The following CDH12 variants were observed in gnomAD, a reference collection of about 807,000 sequenced individuals.
CDH12 encodes cadherin 12.
In CDH12, 41 loss-of-function variants were observed where a neutral mutation model predicts 74.1. The ratio of observed to expected loss-of-function variants is 0.55; its 90% CI spans 0.43 to 0.72. The LOEUF is 0.72. CDH12 is among the 30% of genes least tolerant of loss of function. The pLI, the probability that CDH12 is intolerant of heterozygous loss-of-function variation, is 0.00. For synonymous variants in CDH12, 399 were observed against 355.0 expected (o/e 1.12, Z -1.39); for missense variants, 945 against 977.2 (o/e 0.97, Z 0.44).
intron 6 of CDH12, chr5:21,882,871 G>C: frequency 1.3e-6 from 2 of 1,597,050 alleles, no homozygotes; most frequent in East Asian, 2.2e-5. Flanking sequence ...AAAAACATTG[G>C]AGCTAAACTT....
intron 1 of CDH12, among the ~76,000 whole-genome samples, chr5:22,603,485 A>T (rs536042218): frequency 7.4e-4 from 113 of 152,294 alleles, no homozygotes; most frequent in Non-Finnish European, 1.3e-3. Flanking sequence ...ACGTAGCTGA[A>T]GAAGAGAAGC....
At chr5:22,637,169 T>A (rs1738884773) in intron 1 of CDH12, among the ~76,000 whole-genome samples, 1 of 152,262 alleles carries the variant, frequency 6.6e-6, no homozygotes, top group Non-Finnish European at 1.5e-5. Flanking sequence ...ACATACAATT[T>A]CAGCTATATA....
At chr5:22,463,051 CA>C (rs1305968375) in intron 2 of CDH12, among the ~76,000 whole-genome samples, 1 of 151,992 alleles carries the variant, frequency 6.6e-6, no homozygotes. Context: ...TAATAAATTA[CA>C]AAAAAGTTAA....
chr5:22,104,696 T>C (rs1485229177), intron 4 of CDH12, among the ~76,000 whole-genome samples: 1 of 152,206 alleles, frequency 6.6e-6, no homozygotes, highest in Admixed American at 6.5e-5. Context: ...GAGCCCATAG[T>C]CCTTTATCCT....
At chr5:21,988,546 G>A (rs535192658) in intron 5 of CDH12, among the ~76,000 whole-genome samples, 70 of 133,376 alleles carry the variant, frequency 5.2e-4, no homozygotes, top group African/African-American at 2.0e-3. Context: ...TAGAAATAAG[G>A]AAAAATTGCT....
chr5:22,004,853 C>T (rs1255264517), intron 5 of CDH12, among the ~76,000 whole-genome samples: 1 of 152,070 alleles, frequency 6.6e-6, no homozygotes, highest in African/African-American at 2.4e-5. Flanking sequence ...CTCTTTATGT[C>T]CATGTGTACT....
At chr5:22,846,607 G>A (rs1737315896) in intron 1 of CDH12, among the ~76,000 whole-genome samples, 1 of 152,124 alleles carries the variant, frequency 6.6e-6, no homozygotes, top group South Asian at 2.1e-4. Flanking sequence ...TAGAATTGCT[G>A]GATTTTGAAT....
At chr5:22,606,273 T>C (rs1737110240) in intron 1 of CDH12, among the ~76,000 whole-genome samples, 1 of 152,192 alleles carries the variant, frequency 6.6e-6, no homozygotes. Flanking sequence ...CAACATGAGA[T>C]GTTCAGGAGC....
chr5:22,826,681 A>G (rs1016136173), intron 1 of CDH12, among the ~76,000 whole-genome samples: 2 of 152,168 alleles, frequency 1.3e-5, no homozygotes, highest in Admixed American at 1.3e-4. Context: ...GAGCAAAGGT[A>G]ACTTTTACTA....
At chr5:22,462,876 T>C (rs546014343) in intron 2 of CDH12, among the ~76,000 whole-genome samples, 127 of 152,298 alleles carry the variant, frequency 8.3e-4, no homozygotes, top group Non-Finnish European at 9.8e-4. Context: ...TTAATTTAGT[T>C]AATTAGACAA....
At chr5:21,785,864 A>G (rs1398003076) in intron 10 of CDH12, among the ~76,000 whole-genome samples, 3 of 152,216 alleles carry the variant, frequency 2.0e-5, no homozygotes, top group African/African-American at 7.2e-5. Context: ...AGGTGGCTAC[A>G]CTAAACAACA....
intron 1 of CDH12, among the ~76,000 whole-genome samples, chr5:22,570,905 T>C (rs1739511060): frequency 3.3e-5 from 5 of 152,216 alleles, no homozygotes; most frequent in Admixed American, 3.3e-4. Context: ...TTGCTGTATC[T>C]CCTGGAAAAT....
At chr5:22,395,594 T>A (rs1392701030) in intron 3 of CDH12, among the ~76,000 whole-genome samples, 1 of 152,086 alleles carries the variant, frequency 6.6e-6, no homozygotes, top group African/African-American at 2.4e-5. Context: ...TATACAAAAC[T>A]GGGAATTAAT....
chr5:22,478,574 C>T (rs1299871195), intron 2 of CDH12, among the ~76,000 whole-genome samples: 1 of 151,524 alleles, frequency 6.6e-6, no homozygotes, highest in Non-Finnish European at 1.5e-5. Context: ...ATTTAGCTAC[C>T]TCTGTCAACA....
At chr5:22,704,625 T>C (rs530369487) in intron 1 of CDH12, among the ~76,000 whole-genome samples, 2 of 152,232 alleles carry the variant, frequency 1.3e-5, no homozygotes, top group East Asian at 3.9e-4. Flanking sequence ...ATAATAATTA[T>C]AGAAAATCTA....
At chr5:22,097,904 A>G (rs1274449127) in intron 4 of CDH12, among the ~76,000 whole-genome samples, 1 of 152,164 alleles carries the variant, frequency 6.6e-6, no homozygotes, top group African/African-American at 2.4e-5. Context: ...TTTAAAGCCT[A>G]TAAACTCCCC....
chr5:22,727,470 T>C (rs1744218705), intron 1 of CDH12, among the ~76,000 whole-genome samples: 1 of 151,748 alleles, frequency 6.6e-6, no homozygotes, highest in Non-Finnish European at 1.5e-5. Context: ...AGTAATCATA[T>C]CCATACTTCA....
intron 1 of CDH12, among the ~76,000 whole-genome samples, chr5:22,594,519 CAT>C (rs1736502456): frequency 6.6e-6 from 1 of 152,124 alleles, no homozygotes; most frequent in Non-Finnish European, 1.5e-5. Context: ...AAGTAGGGAT[CAT>C]ATATTGCTTG....
At chr5:22,103,106 G>A (rs1744243549) in intron 4 of CDH12, among the ~76,000 whole-genome samples, 1 of 152,112 alleles carries the variant, frequency 6.6e-6, no homozygotes, top group Admixed American at 6.6e-5. Flanking sequence ...TCAGCACTTA[G>A]AGACAGGCAG....
Sources: gnomAD v4.1 joint callset for allele counts (sites outside exome capture counted in the v4.1 genomes callset) on GRCh38, gnomAD v4.1.1 for gene constraint, MANE v1.5 for transcripts, NCBI Gene and HGNC (gene_info 2026-07-23, HGNC 2026-07-21) for gene names.